SH3BP4: variants seen among roughly 807,000 people sequenced by gnomAD.
SH3BP4 encodes the protein SH3 domain-binding protein 4.
A neutral mutation model predicts 65.5 loss-of-function variants in SH3BP4; 33 were observed. That is an observed-to-expected ratio of 0.50 (90% CI 0.38 to 0.67). SH3BP4 has a LOEUF of 0.67. Ranked by LOEUF, SH3BP4 falls within the 30% of genes least tolerant of loss-of-function variation. The pLI, the probability that SH3BP4 is intolerant of heterozygous loss-of-function variation, is 0.00. For synonymous variants in SH3BP4, 552 were observed against 545.5 expected (o/e 1.01, Z -0.17); for missense variants, 1,134 against 1,261.4 (o/e 0.90, Z 1.53).
At chr2:234,968,838 T>C (rs752487941) in intron 1 of SH3BP4, among the ~76,000 whole-genome samples, 2 of 152,262 alleles carry the variant, frequency 1.3e-5, no homozygotes, top group Non-Finnish European at 2.9e-5. Flanking sequence ...ATACTTTTCC[T>C]GATACCCTTT....
intron 1 of SH3BP4, among the ~76,000 whole-genome samples, chr2:234,962,631 T>C (rs1692741225): frequency 6.6e-6 from 1 of 152,182 alleles, no homozygotes; most frequent in Non-Finnish European, 1.5e-5. Context: ...CTTTCAGATA[T>C]TTTCGCTTGA....
Position 235,041,650 on chromosome 2 carries a change from C to G in SH3BP4, c.881C>G (p.Ala294Gly). Residue 294 changes from alanine (A) to glycine (G), a missense_variant, in exon 4 of 6, where the codon GCC becomes GGC. Transcript: ENST00000392011. The surrounding 1 kb of genome is among the most constrained non-coding windows in gnomAD (Gnocchi z 6.0). ...GCCTGGCTAAACCACAGGAAGCTGG[C>G]CCGGTCTTGCCACGACCTGGACTTG... ...RTAWLNHRKLARSCHDLDLLG... is the reference protein window; with the variant it reads ...RTAWLNHRKLGRSCHDLDLLG... The G allele has an allele frequency of 6.2e-7, 1 of 1,613,924 alleles. No individual in the cohort carries two copies. Among genetic ancestry groups the G allele is most frequent in the Non-Finnish European group, 8.5e-7 (1 of 1,179,964 alleles).
intron 1 of SH3BP4, among the ~76,000 whole-genome samples, chr2:234,966,050 T>C (rs1310208263): frequency 6.6e-6 from 1 of 152,140 alleles, no homozygotes; most frequent in East Asian, 1.9e-4. Flanking sequence ...ACCCCTCCCG[T>C]TGTCTTTAAG....
At chr2:235,047,358 C>T (rs536622564) in intron 4 of SH3BP4, among the ~76,000 whole-genome samples, 3 of 152,280 alleles carry the variant, frequency 2.0e-5, no homozygotes, top group Admixed American at 6.5e-5. Context: ...CCCCCTGATG[C>T]GTCAGAGGCG....
rs935563291 is a variant in SH3BP4, at chr2:235,042,323, G to A, written c.1554G>A (p.Pro518=). 19 of 1,613,978 alleles carry A rather than the reference G, an allele frequency of 1.2e-5. No individual in the cohort carries two copies. The highest frequency in any genetic ancestry group is 6.7e-5 in the Admixed American group (4 of 60,004). ...EVTRQAPNPA[P]VALQLWGKHQ... ...CACGCCAGGCACCCAACCCTGCCCCGGTGGCCCTGCAGCTGTGGGGGAAGC... is the reference window on the plus strand; with the variant it reads ...CACGCCAGGCACCCAACCCTGCCCCAGTGGCCCTGCAGCTGTGGGGGAAGC... Residue 518 remains proline, a synonymous_variant, in exon 4 of 6, where the codon CCG becomes CCA. Transcript: ENST00000392011. This position sits in a 1 kb window ranked among gnomAD's most constrained non-coding sequence, Gnocchi z 7.3.
intron 2 of SH3BP4, among the ~76,000 whole-genome samples, chr2:234,999,011 T>G (rs1042025277): frequency 1.3e-5 from 2 of 152,198 alleles, no homozygotes; most frequent in African/African-American, 2.4e-5. Flanking sequence ...AACGGGAAGC[T>G]GTGCTCAGCG....
At chr2:234,998,161 C>G (rs1274380731) in intron 2 of SH3BP4, among the ~76,000 whole-genome samples, 2 of 152,070 alleles carry the variant, frequency 1.3e-5, no homozygotes, top group African/African-American at 4.8e-5. Flanking sequence ...CGGAGCCCAG[C>G]CTGCAGACCG....
intron 1 of SH3BP4, among the ~76,000 whole-genome samples, chr2:234,959,098 T>G (rs1692650121): frequency 6.6e-6 from 1 of 152,090 alleles, no homozygotes; most frequent in South Asian, 2.1e-4. Context: ...ATCTGCAACT[T>G]TTTCCCACTA....
chr2:234,990,034 G>T (rs1693701485), intron 1 of SH3BP4, among the ~76,000 whole-genome samples: 1 of 152,234 alleles, frequency 6.6e-6, no homozygotes, highest in Admixed American at 6.5e-5. Context: ...GTAAAATGTT[G>T]TATAAAATCA....
intron 1 of SH3BP4, among the ~76,000 whole-genome samples, chr2:234,970,656 G>C (rs966368453): frequency 6.6e-6 from 1 of 152,206 alleles, no homozygotes; most frequent in Non-Finnish European, 1.5e-5. Flanking sequence ...GCCTTCCCTC[G>C]GGGCGCCCGC....
At position 234,977,394 on chromosome 2, in the gene SH3BP4, A is replaced by C. The variant is rs1244789174; in HGVS notation, c.-206-17909A>C. Reference sequence around the variant, plus strand: ...ACATCCTTTGTTCTCTCCAGCCCAGACGTGTAGAGGTGAGCCACCCTCCTG... The same window carrying C: ...ACATCCTTTGTTCTCTCCAGCCCAGCCGTGTAGAGGTGAGCCACCCTCCTG... On this transcript the variant is annotated intron_variant, in intron 1 of 5. Coordinates refer to ENST00000392011, the MANE Select transcript of SH3BP4 (RefSeq NM_014521.3). This position sits in a 1 kb window ranked among gnomAD's most constrained non-coding sequence, Gnocchi z 5.1. Among the ~76,000 whole-genome samples, 1 of 152,158 alleles carries C rather than the reference A, an allele frequency of 6.6e-6. No individual in the cohort carries two copies. Among genetic ancestry groups the C allele is most frequent in the African/African-American group, 2.4e-5 (1 of 41,424 alleles).
rs1257231692 is a variant in SH3BP4, at chr2:234,967,394, C to T, written c.-207+15224C>T. Among the ~76,000 whole-genome samples the T allele has an allele frequency of 1.3e-5, 2 of 152,066 alleles. No individual in the cohort carries two copies. Among genetic ancestry groups the T allele is most frequent in the Admixed American group, 1.3e-4 (2 of 15,268 alleles). On this transcript the variant is annotated intron_variant, in intron 1 of 5. Coordinates refer to ENST00000392011, the MANE Select transcript of SH3BP4 (RefSeq NM_014521.3). The surrounding 1 kb of genome is among the most constrained non-coding windows in gnomAD (Gnocchi z 4.6). ...GATGAGTTCAGACCTACAGCAGGAG[C>T]ACTCCTTGGAGGATGAGGGGAAGGC...
chr2:235,032,399 T>G (rs1433768908), intron 2 of SH3BP4, among the ~76,000 whole-genome samples: 7 of 152,250 alleles, frequency 4.6e-5, no homozygotes, highest in Admixed American at 4.6e-4. Flanking sequence ...CACCCACTCA[T>G]GGGTCTCTTC....
chr2:235,040,717 C>T (rs530050701), intron 3 of SH3BP4, among the ~76,000 whole-genome samples, 171 bp from the exon 4 acceptor site: 2 of 152,000 alleles, frequency 1.3e-5, no homozygotes, highest in Admixed American at 1.3e-4. Context: ...GGAACCAGTT[C>T]GTTGGCCAGG....
chr2:235,027,950 T>C (rs1264756406), intron 2 of SH3BP4, among the ~76,000 whole-genome samples: 2 of 152,180 alleles, frequency 1.3e-5, no homozygotes, highest in Admixed American at 1.3e-4. Context: ...CTGGAGTCTA[T>C]GCGTGGCGTG....
intron 4 of SH3BP4, among the ~76,000 whole-genome samples, chr2:235,050,465 C>A (rs1240723237): frequency 1.3e-5 from 2 of 152,084 alleles, no homozygotes; most frequent in Non-Finnish European, 2.9e-5. Flanking sequence ...GCCACCAGGT[C>A]CTCAAACCCC....
At chr2:235,038,291 T>TATATAGTATATATA (rs1559254203) in intron 3 of SH3BP4, among the ~76,000 whole-genome samples, 2,401 of 18,488 alleles carry the variant, frequency 0.13, 315 homozygotes, top group East Asian at 0.62. Flanking sequence ...TTATATATAA[T>TATATAGTATATATA]ATATATATTA....
At chr2:235,003,679 A>G (rs1285733876) in intron 2 of SH3BP4, among the ~76,000 whole-genome samples, 3 of 152,160 alleles carry the variant, frequency 2.0e-5, no homozygotes, top group African/African-American at 7.2e-5. Flanking sequence ...AGTTGCAGTT[A>G]TGGGCGTGTG....
Position 235,035,046 on chromosome 2 carries a change from C to T in SH3BP4, c.44C>T (p.Pro15Leu). The T allele has an allele frequency of 6.2e-7, 1 of 1,614,164 alleles. No homozygotes were observed. Among genetic ancestry groups the T allele is most frequent in the South Asian group, 1.1e-5 (1 of 91,072 alleles). ...RIRAANSNGL[P>L]RCKSEGTLID... ...CGAGCGGCCAACTCCAATGGCCTCCCTCGCTGCAAGTCAGAGGGGACCCTG... is the reference window on the plus strand; with the variant it reads ...CGAGCGGCCAACTCCAATGGCCTCCTTCGCTGCAAGTCAGAGGGGACCCTG... The change falls in exon 3 of 6, where the codon CCT becomes CTT. Residue 15 changes from proline to leucine, a missense_variant. By Grantham distance (98) the Pro-to-Leu change is moderately conservative (BLOSUM62 -3). Transcript: ENST00000392011. The surrounding 1 kb of genome is among the most constrained non-coding windows in gnomAD (Gnocchi z 5.0).
Sources: gnomAD v4.1 joint callset for allele counts (sites outside exome capture counted in the v4.1 genomes callset) on GRCh38, gnomAD v4.1.1 for gene constraint, Gnocchi (gnomAD v3.1) non-coding constraint, MANE v1.5 for transcripts, NCBI Gene and HGNC (gene_info 2026-07-23, HGNC 2026-07-21) for gene names.